The following TMEM117 variants were observed in gnomAD, a reference collection of about 807,000 sequenced individuals.
TMEM117 encodes transmembrane protein 117.
TMEM117 carries 27 observed loss-of-function variants against 52.4 expected under a neutral mutation model. The ratio of observed to expected loss-of-function variants is 0.51; its 90% CI spans 0.38 to 0.71. TMEM117 has a LOEUF of 0.71. TMEM117 is among the 30% of genes least tolerant of loss of function. The pLI is 0.00. For synonymous variants in TMEM117, 215 were observed against 206.3 expected (o/e 1.04, Z -0.36); for missense variants, 556 against 630.5 (o/e 0.88, Z 1.26).
intron 4 of TMEM117, among the ~76,000 whole-genome samples, chr12:44,161,262 A>G (rs764344029): frequency 6.6e-6 from 1 of 152,208 alleles, no homozygotes; most frequent in African/African-American, 2.4e-5. Context: ...AAACAAAATT[A>G]TAAAGATAAC....
chr12:44,071,762 A>G (rs1947305915), intron 3 of TMEM117, among the ~76,000 whole-genome samples: 1 of 152,180 alleles, frequency 6.6e-6, no homozygotes. Flanking sequence ...GTAATATCAC[A>G]TGTATCCTAT....
chr12:43,967,183 A>T (rs1195867490), intron 3 of TMEM117, among the ~76,000 whole-genome samples: 1 of 149,868 alleles, frequency 6.7e-6, no homozygotes, highest in African/African-American at 2.5e-5. Flanking sequence ...TTGGAATGCG[A>T]TGGCGCAGTC....
chr12:43,944,215 T>C lies in TMEM117; in HGVS notation c.283T>C (p.Leu95=), dbSNP rs1395735405. 2 of 1,610,820 alleles carry C rather than the reference T, an allele frequency of 1.2e-6. No individual in the cohort carries two copies. The highest frequency in any genetic ancestry group is 1.7e-6 in the Non-Finnish European group (2 of 1,178,804). The stretch of plus-strand genomic sequence containing the variant: ...TAATAATATTTGTATTTCAGGTCAG[T>C]TGCTCCGATTAAAAATGTTTCGAGA... ...FLFHQRLFGQ[L]LRLKMFREDH... is the part of the protein sequence containing the mutation. The change falls in exon 3 of 8, where the codon TTG becomes CTG. Residue 95 remains leucine, a synonymous_variant. Transcript: ENST00000266534.
chr12:44,186,390 C>A (rs1043052761), intron 4 of TMEM117, among the ~76,000 whole-genome samples: 1 of 152,162 alleles, frequency 6.6e-6, no homozygotes, highest in African/African-American at 2.4e-5. Flanking sequence ...CTTCATTCTA[C>A]AACTTGTTTG....
chr12:44,287,262 A>G (rs2138611436), intron 5 of TMEM117, among the ~76,000 whole-genome samples: 1 of 152,328 alleles, frequency 6.6e-6, no homozygotes. Context: ...ATAATTATGT[A>G]TGAGTTCTTT....
intron 3 of TMEM117, among the ~76,000 whole-genome samples, chr12:44,123,799 T>C (rs1948276890): frequency 6.6e-6 from 1 of 152,246 alleles, no homozygotes; most frequent in Admixed American, 6.5e-5. Context: ...TTTTGGTTAC[T>C]GTAGCCCTGT....
chr12:44,095,829 C>T (rs1210876953), intron 3 of TMEM117, among the ~76,000 whole-genome samples: 1 of 152,128 alleles, frequency 6.6e-6, no homozygotes, highest in Admixed American at 6.6e-5. Context: ...CCCTCCCTCA[C>T]CACTCCTATT....
intron 6 of TMEM117, among the ~76,000 whole-genome samples, chr12:44,367,801 C>T (rs889845519): frequency 6.6e-6 from 1 of 152,140 alleles, no homozygotes; most frequent in Non-Finnish European, 1.5e-5. Context: ...TCCCCAATGT[C>T]TCCCTTCTCA....
At chr12:44,353,511 A>G (rs1188760499) in intron 6 of TMEM117, among the ~76,000 whole-genome samples, 2 of 151,412 alleles carry the variant, frequency 1.3e-5, no homozygotes, top group Non-Finnish European at 3.0e-5. Flanking sequence ...AGCTTTCTAC[A>G]TATGGCTAGC....
intron 3 of TMEM117, among the ~76,000 whole-genome samples, chr12:44,107,859 A>G (rs950419408): frequency 9.2e-5 from 14 of 152,188 alleles, no homozygotes; most frequent in Non-Finnish European, 1.5e-4. Flanking sequence ...CTGGAAAAGT[A>G]GTATGCAGTC....
At chr12:44,086,397 A>G (rs961768962) in intron 3 of TMEM117, among the ~76,000 whole-genome samples, 2 of 151,746 alleles carry the variant, frequency 1.3e-5, no homozygotes, top group African/African-American at 4.8e-5. Context: ...TTTGTATTTT[A>G]GTAGAGATGG....
intron 2 of TMEM117, among the ~76,000 whole-genome samples, chr12:43,896,827 A>T (rs1040535701): frequency 6.6e-6 from 1 of 152,074 alleles, no homozygotes; most frequent in African/African-American, 2.4e-5. Context: ...CATATTTTCT[A>T]ATCAGTTTGC....
At chr12:43,909,557 G>GA (rs1434568594) in intron 2 of TMEM117, among the ~76,000 whole-genome samples, 1 of 147,620 alleles carries the variant, frequency 6.8e-6, no homozygotes, top group Non-Finnish European at 1.5e-5. Flanking sequence ...ATGAATCCAG[G>GA]AGCTGGTTTT....
Position 44,065,480 on chromosome 12 carries a change from T to A in TMEM117, c.411-78045T>A, listed in dbSNP as rs189475819. Among the ~76,000 whole-genome samples, 69 of 152,334 alleles carry A rather than the reference T, an allele frequency of 4.5e-4. 1 individual carries two copies. Among genetic ancestry groups the A allele is most frequent in the Non-Finnish European group, 3.4e-4 (23 of 68,034 alleles). The stretch of plus-strand genomic sequence containing the variant: ...ACCTTACTGCCTAGTACATTACATA[T>A]CCTTAGTACCTAGTACAGTTTCTGG... On this transcript the variant is annotated intron_variant, in intron 3 of 7. Transcript: ENST00000266534.
intron 4 of TMEM117, among the ~76,000 whole-genome samples, chr12:44,179,756 A>G (rs1039351582): frequency 6.6e-6 from 1 of 152,208 alleles, no homozygotes; most frequent in African/African-American, 2.4e-5. Flanking sequence ...AGTCAAGTTG[A>G]CACCTAATGT....
intron 5 of TMEM117, among the ~76,000 whole-genome samples, chr12:44,236,579 C>T (rs761096364): frequency 6.6e-5 from 10 of 152,012 alleles, no homozygotes; most frequent in Non-Finnish European, 1.2e-4. Flanking sequence ...AGTTTGTCTG[C>T]AAATTCTAAT....
chr12:44,214,099 G>T (rs1190182485), intron 5 of TMEM117, among the ~76,000 whole-genome samples: 1 of 146,664 alleles, frequency 6.8e-6, no homozygotes, highest in Non-Finnish European at 1.5e-5. Flanking sequence ...TTATCACTCA[G>T]GTCTATATAT....
At chr12:44,205,015 C>T (rs1229208979) in intron 4 of TMEM117, among the ~76,000 whole-genome samples, 1 of 152,122 alleles carries the variant, frequency 6.6e-6, no homozygotes, top group Non-Finnish European at 1.5e-5. Flanking sequence ...GACGAAGTTC[C>T]CGTAAGCAAT....
At chr12:44,107,489 C>T (rs1357648191) in intron 3 of TMEM117, among the ~76,000 whole-genome samples, 2 of 152,040 alleles carry the variant, frequency 1.3e-5, no homozygotes, top group Non-Finnish European at 2.9e-5. Context: ...AGCATTGTCA[C>T]ATTTAATTGA....
Sources: allele counts gnomAD v4.1 joint callset (sites outside exome capture counted in the v4.1 genomes callset), GRCh38; gene constraint gnomAD v4.1.1; transcripts MANE v1.5; gene names NCBI Gene and HGNC (gene_info 2026-07-23, HGNC 2026-07-21).